ADSS1: variants seen among roughly 807,000 people sequenced by gnomAD.
The protein encoded by ADSS1 is adenylosuccinate synthetase isozyme 1.
In ADSS1, 57 loss-of-function variants were observed where a neutral mutation model predicts 59.1. That is an observed-to-expected ratio of 0.97 (90% CI 0.78 to 1.20). The LOEUF is 1.20. Among genes scored for constraint, ADSS1 ranks in the 50% most tolerant of loss-of-function variants. The probability of loss-of-function intolerance (pLI) is 0.00; values close to 1 mark genes in which losing one functional copy is unlikely to be tolerated. For missense variants in ADSS1, 603 were observed against 610.3 expected, an observed-to-expected ratio of 0.99 and a Z score of 0.13; for synonymous variants, 247 against 249.4, an observed-to-expected ratio of 0.99 and a Z score of 0.09.
chr14:104,734,877 A>G (rs1891058960), intron 1 of ADSS1, 143 bp from the exon 2 acceptor site: 2 of 672,326 alleles, frequency 3.0e-6, no homozygotes, highest in African/African-American at 3.6e-5. Context: ...GCACAGACGC[A>G]TCAGAGCTGG....
intron 12 of ADSS1, 75 bp from the exon 13 acceptor site, chr14:104,746,876 T>TA (rs1891580239): frequency 1.4e-6 from 2 of 1,465,756 alleles, no homozygotes; most frequent in African/African-American, 2.8e-5. Context: ...CACAGAAAGA[T>TA]ACGACACTAA....
chr14:104,732,533 C>T lies in ADSS1; in HGVS notation c.193-2487C>T, dbSNP rs1023798676. On this transcript the variant is annotated intron_variant, in intron 1 of 12. Transcript: ENST00000330877. ...CAGGGGTGGCCTGGCACTGGCCCTG[C>T]GGTCATTGGACACCCACTGGCCTAC... Among the ~76,000 whole-genome samples, 16 of 152,322 alleles carry T rather than the reference C, an allele frequency of 1.1e-4. 1 individual carries two copies. Among genetic ancestry groups the T allele is most frequent in the Middle Eastern group, 3.4e-3 (1 of 294 alleles).
At chr14:104,732,857 C>T (rs1379409348) in intron 1 of ADSS1, among the ~76,000 whole-genome samples, 2 of 152,210 alleles carry the variant, frequency 1.3e-5, no homozygotes, top group East Asian at 1.9e-4. Flanking sequence ...ATGACCCCAG[C>T]GGAGAGGAAT....
At position 104,740,732 on chromosome 14, in the gene ADSS1, C is replaced by T. The variant is rs766327167; in HGVS notation, c.584+24C>T. ...AGGTACCTGAGCCGTCTGCAGTCCCCGGGGAGGATGGGGAGAAGTTGCCGG... is the reference window on the plus strand; with the variant it reads ...AGGTACCTGAGCCGTCTGCAGTCCCTGGGGAGGATGGGGAGAAGTTGCCGG... On this transcript the variant is annotated intron_variant, in intron 6 of 12. Transcript: ENST00000330877. The surrounding 1 kb of genome is among the most constrained non-coding windows in gnomAD (Gnocchi z 4.8). 9.9e-6 allele frequency: 16 copies of T among 1,613,284 alleles called. No individual in the cohort carries two copies. The highest frequency in any genetic ancestry group is 1.6e-4 in the Middle Eastern group (1 of 6,082).
rs778950530 is a variant in ADSS1, at chr14:104,738,379, A to G, written c.299A>G (p.Asn100Ser). ...CATGCCTCTGTCTCTCATGCAGGCA[A>G]CGGGGTGGTCATCCACTTGCCAGGC... The part of the protein sequence containing the change: ...INTKAVSFIG[N>S]GVVIHLPGLF... Residue 100 changes from asparagine (N) to serine (S), a missense_variant, in exon 3 of 13, where the codon AAC (asparagine) becomes AGC (serine). Physicochemically the swap from Asn to Ser is conservative, Grantham distance 46 (BLOSUM62 1). Transcript: ENST00000330877. 6.2e-7 allele frequency: 1 copy of G among 1,613,744 alleles called. No individual in the cohort carries two copies. Among genetic ancestry groups the G allele is most frequent in the Admixed American group, 1.7e-5 (1 of 60,014 alleles).
At chr14:104,735,164 G>T in intron 2 of ADSS1, 42 bp downstream of exon 2, 2 of 1,540,124 alleles carry the variant, frequency 1.3e-6, no homozygotes, top group Non-Finnish European at 1.8e-6. Flanking sequence ...AGGAAAGGGG[G>T]TGTCAGCCAG....
chr14:104,736,929 T>A (rs1039103931), intron 2 of ADSS1, among the ~76,000 whole-genome samples: 3 of 146,844 alleles, frequency 2.0e-5, no homozygotes, highest in Non-Finnish European at 4.5e-5. Flanking sequence ...TTTTTTTTTT[T>A]AGAAATGGAG....
chr14:104,724,375 G>A lies in ADSS1; in HGVS notation c.105G>A (p.Val35=), dbSNP rs2140734842. 1.6e-6 allele frequency: 2 copies of A among 1,254,388 alleles called. No individual in the cohort carries two copies. Among genetic ancestry groups the A allele is most frequent in the East Asian group, 6.1e-5 (2 of 32,800 alleles). 77.7% of individuals were successfully genotyped at this position (1,254,388 alleles called of 1,614,324 possible). ...CGGCGACCGGCTCCCGCGTGACGGT[G>A]GTGCTGGGCGCGCAGTGGGGGGACG... ...EAAATGSRVT[V]VLGAQWGDEG... Residue 35 remains valine, a synonymous_variant, in exon 1 of 13, where the codon GTG becomes GTA. Coordinates refer to ENST00000330877, the MANE Select transcript of ADSS1 (RefSeq NM_152328.5).
rs559241642 is a variant in ADSS1 at position 104,732,647 on chromosome 14, G to T, written c.193-2373G>T. On this transcript the variant is annotated intron_variant, in intron 1 of 12. Coordinates refer to ENST00000330877, the MANE Select transcript of ADSS1 (RefSeq NM_152328.5). Reference sequence around the variant, plus strand: ...AGGGCGTTCCTGGGCCTGTTGACGTGGGCACTGGGCACTCTGCCATGGTAG... The same window carrying T: ...AGGGCGTTCCTGGGCCTGTTGACGTTGGCACTGGGCACTCTGCCATGGTAG... Among the ~76,000 whole-genome samples, 6 of 152,338 alleles carry T rather than the reference G, an allele frequency of 3.9e-5. No homozygotes were observed. The East Asian group carries it at 1.2e-3, about 29-fold the overall frequency.
At chr14:104,746,868 CAGAA>C (rs1161618788) in intron 12 of ADSS1, 79 bp from the exon 13 acceptor site, 1 of 1,424,856 alleles carries the variant, frequency 7.0e-7, no homozygotes, top group Non-Finnish European at 9.9e-7. Context: ...TTGAACTACA[CAGAA>C]AGATACGACA....
At chr14:104,735,335 G>A (rs1226213211) in intron 2 of ADSS1, among the ~76,000 whole-genome samples, 3 of 152,226 alleles carry the variant, frequency 2.0e-5, no homozygotes, top group African/African-American at 7.2e-5. Flanking sequence ...AGGACACAGG[G>A]CTGATGGGAG....
chr14:104,727,748 C>T (rs1890758228), intron 1 of ADSS1, among the ~76,000 whole-genome samples: 1 of 152,216 alleles, frequency 6.6e-6, no homozygotes, highest in Non-Finnish European at 1.5e-5. Context: ...GCTGGCAGTG[C>T]CCGGCCTTCA....
At chr14:104,743,298 G>T (rs1229592707) in intron 10 of ADSS1, 107 bp downstream of exon 10, 14 of 1,509,956 alleles carry the variant, frequency 9.3e-6, no homozygotes, top group Non-Finnish European at 1.3e-5. Context: ...AGTCTCCTTG[G>T]ACAAGGTTTC....
At chr14:104,739,596 G>A (rs1380476087) in intron 4 of ADSS1, 154 bp from the exon 5 acceptor site, 1 of 945,792 alleles carries the variant, frequency 1.1e-6, no homozygotes. Flanking sequence ...CTGAGCCCCA[G>A]ACACTCATGG....
chr14:104,728,296 C>T (rs936917191), intron 1 of ADSS1, among the ~76,000 whole-genome samples: 2 of 152,136 alleles, frequency 1.3e-5, no homozygotes, highest in South Asian at 2.1e-4. Flanking sequence ...CCCTACCCCA[C>T]CTCTGCACTG....
At chr14:104,733,695 G>T (rs1891014466) in intron 1 of ADSS1, among the ~76,000 whole-genome samples, 1 of 152,178 alleles carries the variant, frequency 6.6e-6, no homozygotes, top group Non-Finnish European at 1.5e-5. Flanking sequence ...CTTTTCTGCC[G>T]GGAGGTGAGG....
Position 104,744,821 on chromosome 14 carries a change from G to C in ADSS1, c.1083G>C (p.Leu361=). Residue 361 remains leucine, a synonymous_variant, in exon 11 of 13, where the codon CTG becomes CTC. Coordinates refer to ENST00000330877, the MANE Select transcript of ADSS1 (RefSeq NM_152328.5). The part of the protein sequence containing the change: ...HMVNGFTALA[L]TKLDILDVLG... ...CCTTGGCTTTCCACAGGCTGGCCCT[G>C]ACGAAGCTGGACATCCTGGACGTAC... 6.2e-7 allele frequency: 1 copy of C among 1,614,200 alleles called. No individual in the cohort carries two copies. The highest frequency in any genetic ancestry group is 8.5e-7 in the Non-Finnish European group (1 of 1,180,036).
In ADSS1 at chr14:104,740,578, G is replaced by A. The variant is rs1891306622; in HGVS notation, c.477-23G>A. 6.2e-7 allele frequency: 1 copy of A among 1,609,946 alleles called. No individual in the cohort carries two copies. Among genetic ancestry groups the A allele is most frequent in the African/African-American group, 1.3e-5 (1 of 74,854 alleles). On this transcript the variant is annotated intron_variant, in intron 5 of 12. Coordinates refer to ENST00000330877, the MANE Select transcript of ADSS1 (RefSeq NM_152328.5). The surrounding 1 kb of genome is among the most constrained non-coding windows in gnomAD (Gnocchi z 4.8). ...TCCTCAGGGCTCCTGGGTTCTCATG[G>A]GTACCCACTCCCCATCTTTCAGTAT...
rs774978769 is a variant in ADSS1, at chr14:104,746,322, G to A, written c.1258G>A (p.Glu420Lys). The A allele has an allele frequency of 1.2e-6, 2 of 1,613,766 alleles. No individual in the cohort carries two copies. The highest frequency in any genetic ancestry group is 1.7e-6 in the Non-Finnish European group (2 of 1,179,996). The change falls in exon 12 of 13, where the codon GAG becomes AAG. Residue 420 changes from glutamate (E) to lysine (K), a missense_variant. Coordinates refer to ENST00000330877, the MANE Select transcript of ADSS1 (RefSeq NM_152328.5). The stretch of plus-strand genomic sequence containing the variant: ...AGACACCACAGGCGCCAGGAGGTGG[G>A]AGGACCTGCCCCCACAGGCCCAGAA... ...KADTTGARRW[E>K]DLPPQAQNYI...
Sources: gnomAD v4.1 joint callset for allele counts (sites outside exome capture counted in the v4.1 genomes callset) on GRCh38, gnomAD v4.1.1 for gene constraint, Gnocchi (gnomAD v3.1) non-coding constraint, MANE v1.5 for transcripts, NCBI Gene and HGNC (gene_info 2026-07-23, HGNC 2026-07-21) for gene names.